The following ANKRD55 variants were observed in gnomAD, a reference collection of about 807,000 sequenced individuals.
The protein encoded by ANKRD55 is ankyrin repeat domain-containing protein 55.
Under a neutral mutation model 60.6 loss-of-function variants are expected in ANKRD55, and 41 were observed. The observed-to-expected ratio is 0.68, with a 90% CI of 0.53 to 0.88. ANKRD55 has a LOEUF of 0.88. Ranked by LOEUF, ANKRD55 falls within the 40% of genes least tolerant of loss-of-function variation. The pLI is 0.00. For synonymous variants in ANKRD55, 264 were observed against 290.3 expected (o/e 0.91, Z 0.92); for missense variants, 732 against 767.6 (o/e 0.95, Z 0.55).
intron 6 of ANKRD55, among the ~76,000 whole-genome samples, chr5:56,146,270 C>T (rs772617949): frequency 1.3e-5 from 2 of 151,678 alleles, no homozygotes; most frequent in African/African-American, 4.9e-5. Context: ...GAACGAATGA[C>T]TTACTATGCT....
At chr5:56,195,468 G>T (rs1198167977) in intron 2 of ANKRD55, among the ~76,000 whole-genome samples, 2 of 152,126 alleles carry the variant, frequency 1.3e-5, no homozygotes, top group East Asian at 3.8e-4. Flanking sequence ...TTTGGAGACA[G>T]AGTCTCACTC....
At chr5:56,119,673 G>A (rs1437300502) in intron 8 of ANKRD55, among the ~76,000 whole-genome samples, 1 of 152,162 alleles carries the variant, frequency 6.6e-6, no homozygotes, top group East Asian at 1.9e-4. Context: ...CCAGCACTTC[G>A]GGAGGCAGAG....
intron 2 of ANKRD55, among the ~76,000 whole-genome samples, chr5:56,214,684 C>G (rs1284783754): frequency 6.6e-6 from 1 of 151,668 alleles, no homozygotes; most frequent in Admixed American, 6.6e-5. Flanking sequence ...CACATATAAA[C>G]AGTGAAGGTG....
chr5:56,223,838 A>C (rs1431433054), intron 2 of ANKRD55, among the ~76,000 whole-genome samples: 1 of 152,244 alleles, frequency 6.6e-6, no homozygotes, highest in Non-Finnish European at 1.5e-5. Context: ...TTCATAAAGC[A>C]AGTCCTTAGA....
intron 2 of ANKRD55, among the ~76,000 whole-genome samples, chr5:56,201,236 C>T (rs1445201664): frequency 2.0e-5 from 3 of 152,134 alleles, no homozygotes; most frequent in Non-Finnish European, 2.9e-5. Context: ...CACAAAGTGG[C>T]GTCTTTCCAC....
At chr5:56,113,200 G>A (rs1469051724) in intron 9 of ANKRD55, among the ~76,000 whole-genome samples, 1 of 152,060 alleles carries the variant, frequency 6.6e-6, no homozygotes, top group African/African-American at 2.4e-5. Context: ...CTTTTTAAGG[G>A]GTTTATGGCA....
chr5:56,180,270 C>G (rs1226183739), intron 3 of ANKRD55, among the ~76,000 whole-genome samples: 1 of 152,206 alleles, frequency 6.6e-6, no homozygotes, highest in Non-Finnish European at 1.5e-5. Flanking sequence ...CATTGTGGAC[C>G]AGGTTCCCAA....
At chr5:56,169,632 C>T (rs1172483989) in intron 5 of ANKRD55, among the ~76,000 whole-genome samples, 1 of 150,698 alleles carries the variant, frequency 6.6e-6, no homozygotes, top group African/African-American at 2.5e-5. Flanking sequence ...TTTCCCAGGA[C>T]CTTTTATTTT....
At chr5:56,197,768 C>A (rs182470327) in intron 2 of ANKRD55, among the ~76,000 whole-genome samples, 1 of 152,166 alleles carries the variant, frequency 6.6e-6, no homozygotes, top group African/African-American at 2.4e-5. Flanking sequence ...TAATGAGATA[C>A]GAAAATAAAC....
intron 2 of ANKRD55, among the ~76,000 whole-genome samples, chr5:56,195,789 G>A (rs1289932165): frequency 6.6e-6 from 1 of 152,120 alleles, no homozygotes; most frequent in African/African-American, 2.4e-5. Flanking sequence ...TCAAAATCAT[G>A]ACTCTTTGAA....
At chr5:56,140,709 T>C (rs556344244) in intron 7 of ANKRD55, among the ~76,000 whole-genome samples, 1 of 152,326 alleles carries the variant, frequency 6.6e-6, no homozygotes, top group Non-Finnish European at 1.5e-5. Context: ...TCATTTATCA[T>C]AGTGCTTCTA....
intron 2 of ANKRD55, among the ~76,000 whole-genome samples, chr5:56,215,936 G>C (rs1759794547): frequency 6.6e-6 from 1 of 151,986 alleles, no homozygotes; most frequent in African/African-American, 2.4e-5. Context: ...CCCTGGCATG[G>C]AGGGTGAATT....
At chr5:56,146,576 G>A (rs549694638) in intron 6 of ANKRD55, among the ~76,000 whole-genome samples, 2 of 152,054 alleles carry the variant, frequency 1.3e-5, no homozygotes, top group African/African-American at 2.4e-5. Flanking sequence ...CACTGCACCC[G>A]GCCGAATTTC....
chr5:56,205,463 C>T (rs1340089419), intron 2 of ANKRD55, among the ~76,000 whole-genome samples: 2 of 152,204 alleles, frequency 1.3e-5, no homozygotes, highest in Admixed American at 6.5e-5. Context: ...GATACAGAGG[C>T]AATTACCTCA....
intron 2 of ANKRD55, among the ~76,000 whole-genome samples, chr5:56,194,348 A>G (rs1257129571): frequency 6.6e-6 from 1 of 151,910 alleles, no homozygotes; most frequent in East Asian, 1.9e-4. Context: ...TTTTATAAAG[A>G]AATATTGTTG....
chr5:56,151,907 G>A (rs1350388837), intron 6 of ANKRD55, among the ~76,000 whole-genome samples: 1 of 142,978 alleles, frequency 7.0e-6, no homozygotes, highest in Admixed American at 7.1e-5. Context: ...GTATATGTGT[G>A]TATATACACA....
intron 7 of ANKRD55, chr5:56,137,416 A>G: frequency 2.3e-6 from 2 of 877,792 alleles, no homozygotes; most frequent in Non-Finnish European, 3.8e-6. Context: ...TGCCACACTG[A>G]GATGATCCTT....
At chr5:56,118,494 G>A (rs1438747942) in intron 8 of ANKRD55, among the ~76,000 whole-genome samples, 4 of 151,776 alleles carry the variant, frequency 2.6e-5, no homozygotes, top group Non-Finnish European at 4.4e-5. Context: ...GCATGCTGGC[G>A]GGCCCTGTAG....
intron 2 of ANKRD55, among the ~76,000 whole-genome samples, chr5:56,184,695 C>T (rs190891658): frequency 2.4e-4 from 36 of 151,668 alleles, no homozygotes; most frequent in Admixed American, 1.4e-3. Context: ...CCCAGGAGTT[C>T]GAGATCAGCC....
Sources: allele counts gnomAD v4.1 joint callset (sites outside exome capture counted in the v4.1 genomes callset), GRCh38; gene constraint gnomAD v4.1.1; transcripts MANE v1.5; gene names NCBI Gene and HGNC (gene_info 2026-07-23, HGNC 2026-07-21).